The following RBFOX1 variants were observed in gnomAD, a reference collection of about 807,000 sequenced individuals.
RBFOX1 encodes RNA binding fox-1 homolog 1, also known as RNA binding protein fox-1 homolog 1.
RBFOX1 carries 8 observed loss-of-function variants against 57.7 expected under a neutral mutation model. The observed-to-expected ratio is 0.14, with a 90% CI of 0.08 to 0.25. RBFOX1 has a LOEUF of 0.25. Among genes scored for constraint, RBFOX1 ranks in the 10% least tolerant of loss-of-function variants. The pLI, the probability that RBFOX1 is intolerant of heterozygous loss-of-function variation, is 1.00. For missense variants in RBFOX1, 611 were observed against 548.5 expected, an observed-to-expected ratio of 1.11 and a Z score of -1.14; for synonymous variants, 326 against 222.4, an observed-to-expected ratio of 1.47 and a Z score of -4.15.
chr16:6,209,834 A>G (rs74700701), intron 1 of RBFOX1, among the ~76,000 whole-genome samples: 13,904 of 152,244 alleles, frequency 0.091, 844 homozygotes, highest in East Asian at 0.24. Flanking sequence ...GGCAGAGGGA[A>G]TCGATAGAAA....
intron 3 of RBFOX1, among the ~76,000 whole-genome samples, chr16:5,768,486 A>G (rs2043632): frequency 0.15 from 22,545 of 152,170 alleles, 2,035 homozygotes; most frequent in African/African-American, 0.24. Context: ...GGTACGTGGC[A>G]GACAGGGAAT....
Position 5,388,825 on chromosome 16 carries a change from C to G in RBFOX1, c.220-78391C>G, listed in dbSNP as rs189770027. 4.6e-3 allele frequency among the ~76,000 whole-genome samples: 706 copies of G among 151,948 alleles called. 22 individuals carry two copies. Among genetic ancestry groups the G allele is most frequent in the Admixed American group, 0.043 (653 of 15,292 alleles). ...CTCCTGACCTCAGATGATCCACCCA[C>G]CTCAGCCTCCCAAAGTGCTGGGATT... is the stretch of plus-strand genomic sequence containing the variant. On this transcript the variant is annotated intron_variant, in intron 1 of 2. Transcript: ENST00000585867.
At chr16:5,954,848 A>T (rs1333238806) in intron 4 of RBFOX1, among the ~76,000 whole-genome samples, 4 of 152,188 alleles carry the variant, frequency 2.6e-5, no homozygotes, top group Non-Finnish European at 4.4e-5. Context: ...GGAGGAGAGC[A>T]TTCCCAGGGT....
chr16:6,597,884 G>A (rs2097793152), intron 2 of RBFOX1, among the ~76,000 whole-genome samples: 1 of 152,186 alleles, frequency 6.6e-6, no homozygotes, highest in African/African-American at 2.4e-5. Context: ...TTGGCACCAT[G>A]AAGTGAGTAT....
chr16:5,844,754 A>T (rs566719299), intron 3 of RBFOX1, among the ~76,000 whole-genome samples: 9 of 152,346 alleles, frequency 5.9e-5, no homozygotes, highest in African/African-American at 1.9e-4. Flanking sequence ...GAGGGAGAAG[A>T]TTCCAAGGGC....
chr16:6,665,711 A>C (rs2098728333), intron 3 of RBFOX1, among the ~76,000 whole-genome samples: 1 of 152,056 alleles, frequency 6.6e-6, no homozygotes. Flanking sequence ...ATAAATAATA[A>C]TAATAATAGC....
At chr16:6,591,300 T>A (rs1016803241) in intron 2 of RBFOX1, among the ~76,000 whole-genome samples, 2 of 152,052 alleles carry the variant, frequency 1.3e-5, no homozygotes, top group Admixed American at 6.6e-5. Flanking sequence ...ATATATTTTT[T>A]AAGTATTAGC....
intron 3 of RBFOX1, among the ~76,000 whole-genome samples, chr16:6,852,841 G>C (rs990389903): frequency 2.6e-5 from 4 of 151,188 alleles, no homozygotes; most frequent in African/African-American, 7.3e-5. Context: ...TCCAGGTGAG[G>C]TGCATGCTGG....
At position 7,713,108 on chromosome 16, in the gene RBFOX1, T is replaced by A. The variant is rs1244741076; in HGVS notation, c.*2363T>A. 6.6e-6 allele frequency: 1 copy of A among 152,204 alleles called. No individual in the cohort carries two copies. The highest frequency in any genetic ancestry group is 1.5e-5 in the Non-Finnish European group (1 of 68,028). The allele number at this position is 152,204 out of a possible 1,614,324, so 9.4% of individuals were successfully genotyped here. ...ATTTTGGATTTTTTTTAAACAGTATTTATTTGGAATGTTTTCATTTATCTA... is the reference window on the plus strand; with the variant it reads ...ATTTTGGATTTTTTTTAAACAGTATATATTTGGAATGTTTTCATTTATCTA... On this transcript the variant is annotated 3_prime_UTR_variant, in exon 16 of 16. Coordinates refer to ENST00000550418, the MANE Select transcript of RBFOX1 (RefSeq NM_018723.4).
At chr16:7,289,266 T>C (rs547589477) in intron 4 of RBFOX1, among the ~76,000 whole-genome samples, 6 of 152,284 alleles carry the variant, frequency 3.9e-5, no homozygotes, top group African/African-American at 1.4e-4. Flanking sequence ...CTTAGAAAGA[T>C]TAAAGAGATG....
intron 2 of RBFOX1, among the ~76,000 whole-genome samples, chr16:6,624,505 A>G (rs1469811655): frequency 6.6e-6 from 1 of 152,130 alleles, no homozygotes; most frequent in Non-Finnish European, 1.5e-5. Context: ...AGAACATACC[A>G]GTTTCCACCC....
chr16:6,525,366 T>C (rs2096564040), intron 2 of RBFOX1, among the ~76,000 whole-genome samples: 1 of 152,160 alleles, frequency 6.6e-6, no homozygotes, highest in Non-Finnish European at 1.5e-5. Flanking sequence ...AGTACACTTC[T>C]CCTGAGCAAG....
At chr16:6,000,114 A>C (rs146892704) in intron 4 of RBFOX1, among the ~76,000 whole-genome samples, 96 of 152,010 alleles carry the variant, frequency 6.3e-4, no homozygotes, top group African/African-American at 2.2e-3. Flanking sequence ...ACCTCCTCCT[A>C]TTATCTCATA....
At chr16:6,521,466 C>G (rs896345181) in intron 2 of RBFOX1, among the ~76,000 whole-genome samples, 3 of 142,140 alleles carry the variant, frequency 2.1e-5, no homozygotes, top group African/African-American at 7.9e-5. Context: ...CTCTCCTCTC[C>G]TCTCTTCTCT....
At chr16:6,455,084 G>A (rs1160324814) in intron 2 of RBFOX1, among the ~76,000 whole-genome samples, 1 of 149,950 alleles carries the variant, frequency 6.7e-6, no homozygotes, top group African/African-American at 2.5e-5. Flanking sequence ...TAGTAGAGAC[G>A]GGGTTTCACT....
intron 13 of RBFOX1, among the ~76,000 whole-genome samples, chr16:7,667,907 C>T (rs2069937142): frequency 6.6e-6 from 1 of 152,148 alleles, no homozygotes; most frequent in South Asian, 2.1e-4. Flanking sequence ...CTCCTGACCT[C>T]AAGTGATCCA....
chr16:6,812,964 G>C (rs1027986151), intron 3 of RBFOX1, among the ~76,000 whole-genome samples: 2 of 152,132 alleles, frequency 1.3e-5, no homozygotes, highest in Admixed American at 1.3e-4. Flanking sequence ...AGTAAAGGAA[G>C]ATGTTTAAAT....
At chr16:6,686,674 T>G (rs551866244) in intron 3 of RBFOX1, among the ~76,000 whole-genome samples, 6 of 152,222 alleles carry the variant, frequency 3.9e-5, no homozygotes, top group South Asian at 4.2e-4. Context: ...AAGGTAAGCA[T>G]TTTCTTCTTT....
chr16:6,709,278 C>G (rs911310948), intron 3 of RBFOX1, among the ~76,000 whole-genome samples: 5 of 152,108 alleles, frequency 3.3e-5, no homozygotes, highest in South Asian at 2.1e-4. Context: ...AAGCATCTAA[C>G]TGTGCAGAAG....
Sources: allele counts gnomAD v4.1 joint callset (sites outside exome capture counted in the v4.1 genomes callset), GRCh38; gene constraint gnomAD v4.1.1; transcripts MANE v1.5; gene names NCBI Gene and HGNC (gene_info 2026-07-23, HGNC 2026-07-21).